Variants in DAP observed in about 807,000 individuals in gnomAD.
The protein encoded by DAP is death-associated protein 1.
A neutral mutation model predicts 13.8 loss-of-function variants in DAP; 8 were observed. The ratio of observed to expected loss-of-function variants is 0.58; its 90% confidence interval spans 0.34 to 1.05. The LOEUF is 1.05. Ranked by LOEUF, DAP falls within the 50% of genes least tolerant of loss-of-function variation. DAP has a pLI of 0.03. For missense variants in DAP, 106 were observed against 133.2 expected (o/e 0.80, Z 1.01); for synonymous variants, 47 against 47.5 (o/e 0.99, Z 0.04).
intron 2 of DAP, among the ~76,000 whole-genome samples, chr5:10,689,980 C>T (rs1738263899): frequency 6.6e-6 from 1 of 152,198 alleles, no homozygotes; most frequent in Admixed American, 6.5e-5. Context: ...ACATGAAGGC[C>T]TGAGACTTCA....
chr5:10,725,610 T>C (rs1467104755), intron 2 of DAP, among the ~76,000 whole-genome samples: 1 of 152,238 alleles, frequency 6.6e-6, no homozygotes, highest in African/African-American at 2.4e-5. Flanking sequence ...TAAATGAGCT[T>C]GATGGAAAGC....
chr5:10,683,522 G>A lies in DAP; in HGVS notation c.195+7C>T. ...CTCAAACCCACCGCAGACACTCCCA[G>A]ACTTACCCGGGCGATGACCCCAGAG... On this transcript the variant is annotated splice_region_variant and intron_variant, in intron 3 of 3. Coordinates refer to ENST00000230895, the MANE Select transcript of DAP (RefSeq NM_004394.3). 2 of 1,614,030 alleles carry A rather than the reference G, an allele frequency of 1.2e-6. No individual in the cohort carries two copies.
chr5:10,736,294 C>G (rs1739610178), intron 2 of DAP, among the ~76,000 whole-genome samples: 1 of 152,240 alleles, frequency 6.6e-6, no homozygotes, highest in African/African-American at 2.4e-5. Context: ...ACTAGGAAAA[C>G]TAATGTGCTG....
At chr5:10,694,296 T>C (rs935035849) in intron 2 of DAP, among the ~76,000 whole-genome samples, 11 of 152,092 alleles carry the variant, frequency 7.2e-5, no homozygotes, top group Non-Finnish European at 1.3e-4. Context: ...GCTGGTGAGC[T>C]GGTGGTTGAC....
intron 2 of DAP, among the ~76,000 whole-genome samples, chr5:10,693,972 C>T (rs1223571362): frequency 6.6e-6 from 1 of 152,016 alleles, no homozygotes; most frequent in Admixed American, 6.5e-5. Flanking sequence ...TTCTATTTTA[C>T]GGAGGAAGAA....
chr5:10,757,936 C>T (rs978137660), intron 1 of DAP, among the ~76,000 whole-genome samples: 2 of 151,938 alleles, frequency 1.3e-5, no homozygotes, highest in African/African-American at 2.4e-5. Flanking sequence ...GGCAGAGAGG[C>T]GAAGGTTAGT....
chr5:10,725,521 C>A (rs1488006091), intron 2 of DAP, among the ~76,000 whole-genome samples: 1 of 152,236 alleles, frequency 6.6e-6, no homozygotes, highest in Non-Finnish European at 1.5e-5. Flanking sequence ...TGCTCCAACA[C>A]TGCCGTGGTG....
rs570067390 is a variant in DAP at position 10,726,985 on chromosome 5, T to C, written c.152+21190A>G. Among the ~76,000 whole-genome samples the C allele has an allele frequency of 4.8e-4, 73 of 152,286 alleles. 1 individual carries two copies. Among genetic ancestry groups the C allele is most frequent in the Admixed American group, 2.0e-3 (31 of 15,296 alleles). On this transcript the variant is annotated intron_variant, in intron 2 of 3. Coordinates refer to ENST00000230895, the MANE Select transcript of DAP (RefSeq NM_004394.3). ...ACCTTGTACAGGGCTGCTGGTGACCTTCCCTCTCCACTGTCGAGAGGGAGA... is the reference window on the plus strand; with the variant it reads ...ACCTTGTACAGGGCTGCTGGTGACCCTCCCTCTCCACTGTCGAGAGGGAGA...
In DAP at chr5:10,725,814, C is replaced by G. The variant is rs140958593; in HGVS notation, c.152+22361G>C. ...ACATTTGGATTCACATCTTATTTGT[C>G]AGTTACTTTGGTAATGACCTTAGGC... On this transcript the variant is annotated intron_variant, in intron 2 of 3. Transcript: ENST00000230895. Among the ~76,000 whole-genome samples the G allele has an allele frequency of 2.9e-3, 442 of 152,284 alleles. 4 individuals are homozygous for G. The highest frequency in any genetic ancestry group is 6.8e-3 in the Middle Eastern group (2 of 294).
At chr5:10,746,518 C>T (rs904764791) in intron 2 of DAP, among the ~76,000 whole-genome samples, 4 of 151,876 alleles carry the variant, frequency 2.6e-5, no homozygotes, top group South Asian at 2.1e-4. Context: ...TTAGTAGAGA[C>T]GGGGTTTCCC....
At chr5:10,728,118 G>A (rs1463566580) in intron 2 of DAP, among the ~76,000 whole-genome samples, 1 of 152,162 alleles carries the variant, frequency 6.6e-6, no homozygotes, top group African/African-American at 2.4e-5. Context: ...TGATTAACAG[G>A]CAAAGAAAAG....
chr5:10,746,416 G>A (rs145420257), intron 2 of DAP, among the ~76,000 whole-genome samples: 4 of 148,272 alleles, frequency 2.7e-5, no homozygotes, highest in African/African-American at 1.0e-4. Flanking sequence ...TGCAACCTCC[G>A]CCTCCTGAGT....
At chr5:10,681,452 G>T (rs1039125182) in intron 3 of DAP, among the ~76,000 whole-genome samples, 2 of 147,878 alleles carry the variant, frequency 1.4e-5, no homozygotes, top group Non-Finnish European at 3.0e-5. Context: ...GAAGCATGGC[G>T]GTTGTATGTG....
At chr5:10,730,873 G>T (rs1205103781) in intron 2 of DAP, among the ~76,000 whole-genome samples, 3 of 114,734 alleles carry the variant, frequency 2.6e-5, no homozygotes, top group Non-Finnish European at 5.5e-5. Context: ...GAGCCCTGGT[G>T]GGGGGAATCT....
At position 10,743,758 on chromosome 5, in the gene DAP, G is replaced by A. The variant is rs1286265144; in HGVS notation, c.152+4417C>T. Among the ~76,000 whole-genome samples the A allele has an allele frequency of 1.3e-5, 2 of 152,232 alleles. 1 individual carries two copies. Among genetic ancestry groups the A allele is most frequent in the South Asian group, 4.1e-4 (2 of 4,830 alleles). On this transcript the variant is annotated intron_variant, in intron 2 of 3. Transcript: ENST00000230895. ...CCAGTTTCCTTAATTGGGTCGGCTCGAGATGGAATCAAGCAGCCACGCAGG... is the reference window on the plus strand; with the variant it reads ...CCAGTTTCCTTAATTGGGTCGGCTCAAGATGGAATCAAGCAGCCACGCAGG...
At chr5:10,684,362 C>A (rs1318671933) in intron 2 of DAP, among the ~76,000 whole-genome samples, 1 of 152,146 alleles carries the variant, frequency 6.6e-6, no homozygotes, top group Admixed American at 6.5e-5. Flanking sequence ...CTGAGCATTA[C>A]AAATATAAGG....
intron 1 of DAP, among the ~76,000 whole-genome samples, chr5:10,758,682 T>C (rs1231580125): frequency 6.6e-6 from 1 of 152,162 alleles, no homozygotes; most frequent in African/African-American, 2.4e-5. Flanking sequence ...AAACCTCGAA[T>C]TTCATAAAGG....
chr5:10,760,810 C>T lies in DAP; in HGVS notation c.55+204G>A, dbSNP rs568752790. Among the ~76,000 whole-genome samples, 62 of 152,164 alleles carry T rather than the reference C, an allele frequency of 4.1e-4. No homozygotes were observed. In the East Asian group the frequency reaches 9.7e-3, roughly 24 times the overall value. ...GGAAGAAACGCTTCGCCGCCGCCGG[C>T]AAGCGGGGCCGAAGCTCCGGCGGGC... On this transcript the variant is annotated intron_variant, in intron 1 of 3. Coordinates refer to ENST00000230895, the MANE Select transcript of DAP (RefSeq NM_004394.3).
At chr5:10,688,278 A>G (rs1738206960) in intron 2 of DAP, among the ~76,000 whole-genome samples, 1 of 152,158 alleles carries the variant, frequency 6.6e-6, no homozygotes. Context: ...CACCCCAATC[A>G]GTCAGCAGCC....
Sources: gnomAD v4.1 joint callset for allele counts (sites outside exome capture counted in the v4.1 genomes callset) on GRCh38, gnomAD v4.1.1 for gene constraint, MANE v1.5 for transcripts, NCBI Gene and HGNC (gene_info 2026-07-23, HGNC 2026-07-21) for gene names.